The following AGBL1 variants were observed in gnomAD, a reference collection of about 807,000 sequenced individuals.
AGBL1 encodes AGBL carboxypeptidase 1, also known as cytosolic carboxypeptidase 4.
A neutral mutation model predicts 118.9 loss-of-function variants in AGBL1; 130 were observed. That is an observed-to-expected ratio of 1.09 (90% CI 0.95 to 1.26). The LOEUF (loss-of-function observed/expected upper bound fraction) is 1.26, where lower values mean the gene tolerates loss of function less well. AGBL1 is among the 50% of genes most tolerant of loss of function. The pLI, the probability that AGBL1 is intolerant of heterozygous loss-of-function variation, is 0.00. For missense variants in AGBL1, 1,584 were observed against 1,298.1 expected (o/e 1.22, Z -3.38); for synonymous variants, 555 against 478.9 (o/e 1.16, Z -2.08).
intron 20 of AGBL1, among the ~76,000 whole-genome samples, chr15:86,547,020 C>T (rs887362584): frequency 1.3e-5 from 2 of 152,048 alleles, no homozygotes; most frequent in Admixed American, 1.3e-4. Context: ...CACCATTTCA[C>T]CTGGAAATAC....
chr15:87,027,831 T>C (rs1170599377), intron 24 of AGBL1, among the ~76,000 whole-genome samples: 1 of 151,798 alleles, frequency 6.6e-6, no homozygotes, highest in Non-Finnish European at 1.5e-5. Context: ...GAGCTGAACT[T>C]TGAGAACACA....
chr15:86,615,747 T>C lies in AGBL1; in HGVS notation c.2995-58526T>C, dbSNP rs1419250251. ...CACAGAGTTAGAAATGTGAGTTTTA[T>C]ATTGTGGACAGAGGTTAAAAAATAG... On this transcript the variant is annotated intron_variant, in intron 21 of 22. Coordinates refer to ENST00000614907, the MANE Select transcript of AGBL1 (RefSeq NM_001386094.1). This position sits in a 1 kb window ranked among gnomAD's most constrained non-coding sequence, Gnocchi z 4.3. Among the ~76,000 whole-genome samples, 1 of 152,214 alleles carries C rather than the reference T, an allele frequency of 6.6e-6. No homozygotes were observed. The highest frequency in any genetic ancestry group is 1.5e-5 in the Non-Finnish European group (1 of 68,030).
chr15:86,581,052 A>G (rs1308391851), intron 21 of AGBL1, among the ~76,000 whole-genome samples: 1 of 152,202 alleles, frequency 6.6e-6, no homozygotes, highest in Non-Finnish European at 1.5e-5. Flanking sequence ...ACTTTGAATT[A>G]GTAGATGAGA....
At chr15:86,883,436 G>A (rs1445994596) in intron 22 of AGBL1, among the ~76,000 whole-genome samples, 1 of 152,180 alleles carries the variant, frequency 6.6e-6, no homozygotes, top group Admixed American at 6.5e-5. Flanking sequence ...GTGTGTGTGA[G>A]TCTTCTCCCT....
intron 18 of AGBL1, among the ~76,000 whole-genome samples, chr15:86,414,151 T>A (rs909730536): frequency 1.2e-4 from 18 of 152,200 alleles, no homozygotes; most frequent in African/African-American, 3.6e-4. Flanking sequence ...GAGTATGGAA[T>A]GAAAGACACT....
chr15:86,494,474 C>T (rs2082822397), intron 18 of AGBL1, among the ~76,000 whole-genome samples: 1 of 151,980 alleles, frequency 6.6e-6, no homozygotes, highest in African/African-American at 2.4e-5. Context: ...TCTTCCCATG[C>T]TGGTTTTGTA....
At chr15:86,834,014 A>G (rs74027129) in intron 22 of AGBL1, among the ~76,000 whole-genome samples, 4,376 of 152,156 alleles carry the variant, frequency 0.029, 191 homozygotes, top group African/African-American at 0.099. Context: ...ATAAGCCCAT[A>G]TTAGGCTTAT....
At chr15:86,757,775 A>C (rs1173524505) in intron 22 of AGBL1, among the ~76,000 whole-genome samples, 2 of 151,944 alleles carry the variant, frequency 1.3e-5, no homozygotes, top group Admixed American at 1.3e-4. Context: ...ATGCCTCTCT[A>C]AGCGGATTTG....
At chr15:86,897,743 T>C (rs544020635) in intron 22 of AGBL1, among the ~76,000 whole-genome samples, 2 of 150,844 alleles carry the variant, frequency 1.3e-5, no homozygotes, top group East Asian at 3.9e-4. Context: ...ACTATGATAA[T>C]TTACTCCTTT....
chr15:86,630,215 T>A (rs927338548), intron 21 of AGBL1: 3 of 152,284 alleles, frequency 2.0e-5, no homozygotes, highest in Non-Finnish European at 4.4e-5. Flanking sequence ...TCAGGCATTA[T>A]GAATCCAGAT....
chr15:86,643,491 C>T (rs1255479473), intron 21 of AGBL1, among the ~76,000 whole-genome samples: 2 of 152,018 alleles, frequency 1.3e-5, no homozygotes, highest in African/African-American at 2.4e-5. Context: ...GACTTAAGTA[C>T]TTTGAAAGAA....
chr15:86,295,999 C>CCT (rs2079630554), intron 17 of AGBL1: 1 of 153,446 alleles, frequency 6.5e-6, no homozygotes, highest in African/African-American at 2.4e-5. Flanking sequence ...AACATATACA[C>CCT]AGACGTGTAG....
At chr15:86,902,478 A>T (rs2080224765) in intron 22 of AGBL1, among the ~76,000 whole-genome samples, 1 of 152,002 alleles carries the variant, frequency 6.6e-6, no homozygotes, top group African/African-American at 2.4e-5. Flanking sequence ...AAATCTATGT[A>T]TTTGCTCATA....
At chr15:86,897,712 A>G (rs1410203301) in intron 22 of AGBL1, among the ~76,000 whole-genome samples, 1 of 148,798 alleles carries the variant, frequency 6.7e-6, no homozygotes, top group Non-Finnish European at 1.5e-5. Flanking sequence ...CATAAATTTT[A>G]ATCACCTTTT....
At chr15:86,233,852 C>T (rs1181838673) in intron 6 of AGBL1, among the ~76,000 whole-genome samples, 1 of 152,134 alleles carries the variant, frequency 6.6e-6, no homozygotes, top group African/African-American at 2.4e-5. Flanking sequence ...TGAGGAGGGT[C>T]AGCTTCCAGT....
chr15:86,427,830 G>C lies in AGBL1; in HGVS notation c.2555+30284G>C, dbSNP rs528060956. On this transcript the variant is annotated intron_variant, in intron 18 of 22. Transcript: ENST00000614907. ...TTCTTCCCAGCTGTGTCTTCTCCAGGAATTAAAGCTCATGTTCCCAGTCTT... is the reference window on the plus strand; with the variant it reads ...TTCTTCCCAGCTGTGTCTTCTCCAGCAATTAAAGCTCATGTTCCCAGTCTT... Among the ~76,000 whole-genome samples the C allele has an allele frequency of 2.0e-5, 3 of 152,250 alleles. No individual in the cohort carries two copies. The South Asian group carries it at 6.2e-4, about 32-fold the overall frequency.
chr15:86,508,327 C>G (rs962255138), intron 18 of AGBL1, among the ~76,000 whole-genome samples: 1 of 151,892 alleles, frequency 6.6e-6, no homozygotes, highest in African/African-American at 2.4e-5. Flanking sequence ...AACACAAAAG[C>G]TTTTCTGTAA....
At chr15:86,626,823 G>A (rs907173987) in intron 21 of AGBL1, among the ~76,000 whole-genome samples, 1 of 145,308 alleles carries the variant, frequency 6.9e-6, no homozygotes, top group Non-Finnish European at 1.5e-5. Context: ...CAATACAAGA[G>A]TAATATACTT....
chr15:86,239,662 A>C (rs1349318214), intron 6 of AGBL1, among the ~76,000 whole-genome samples: 3 of 152,122 alleles, frequency 2.0e-5, no homozygotes, highest in Admixed American at 2.0e-4. Flanking sequence ...AAACCTTTTC[A>C]AGTTTCCTAC....
Sources: gnomAD v4.1 joint callset for allele counts (sites outside exome capture counted in the v4.1 genomes callset) on GRCh38, gnomAD v4.1.1 for gene constraint, Gnocchi (gnomAD v3.1) non-coding constraint, MANE v1.5 for transcripts, NCBI Gene and HGNC (gene_info 2026-07-23, HGNC 2026-07-21) for gene names.